The following ZNF804B variants were observed in gnomAD, a reference collection of about 807,000 sequenced individuals.
ZNF804B encodes zinc finger protein 804B, also known as zinc finger 804B.
Under a neutral mutation model 101.4 loss-of-function variants are expected in ZNF804B, and 80 were observed. The observed-to-expected ratio is 0.79, with a 90% CI of 0.66 to 0.95. The LOEUF is 0.95. Ranked by LOEUF, ZNF804B falls within the 40% of genes least tolerant of loss-of-function variation. ZNF804B has a pLI of 0.00. For synonymous variants in ZNF804B, 622 were observed against 558.8 expected (o/e 1.11, Z -1.59); for missense variants, 1,673 against 1,561.9 (o/e 1.07, Z -1.20).
chr7:88,827,385 C>A (rs939451545), intron 1 of ZNF804B, among the ~76,000 whole-genome samples: 2 of 151,138 alleles, frequency 1.3e-5, no homozygotes, highest in African/African-American at 4.9e-5. Flanking sequence ...TTTGTAGTTG[C>A]AGTTACTTGT....
chr7:89,150,660 C>T (rs1306929297), intron 1 of ZNF804B, among the ~76,000 whole-genome samples: 1 of 151,900 alleles, frequency 6.6e-6, no homozygotes, highest in Non-Finnish European at 1.5e-5. Flanking sequence ...ATTATATTTC[C>T]ATTTTGGGTC....
chr7:89,299,374 A>G (rs894747657), intron 2 of ZNF804B, among the ~76,000 whole-genome samples: 4 of 152,034 alleles, frequency 2.6e-5, no homozygotes, highest in African/African-American at 9.7e-5. Context: ...CTAGATTGCA[A>G]TTCAAAATAA....
At chr7:89,010,646 A>T (rs1223830088) in intron 1 of ZNF804B, among the ~76,000 whole-genome samples, 1 of 152,182 alleles carries the variant, frequency 6.6e-6, no homozygotes, top group Non-Finnish European at 1.5e-5. Context: ...TGTATTATTT[A>T]CTTTGTTTTC....
chr7:89,171,280 CTG>C lies in ZNF804B; in HGVS notation c.109-46874_109-46873del, dbSNP rs1238545613. On this transcript the variant is annotated intron_variant, in intron 1 of 3. Transcript: ENST00000333190. The stretch of plus-strand genomic sequence containing the variant: ...CTCAATGAAGTAGGCACAAATAATG[CTG>C]CTGCTGCTTCTTCTTCTTCTTCTTC... 4.3e-5 allele frequency among the ~76,000 whole-genome samples: 3 copies of C among 69,466 alleles called. 1 individual carries two copies. The highest frequency in any genetic ancestry group is 9.6e-5 in the Non-Finnish European group (3 of 31,332). 45.6% of individuals were successfully genotyped at this position (69,466 alleles called of 152,430 possible). A position where few individuals can be genotyped will look rare whatever the true frequency, so the allele number is the denominator to read the frequency against.
At chr7:88,926,843 A>G (rs1170063183) in intron 1 of ZNF804B, among the ~76,000 whole-genome samples, 2 of 151,788 alleles carry the variant, frequency 1.3e-5, no homozygotes, top group Non-Finnish European at 2.9e-5. Context: ...GATAACAGCA[A>G]CTAGCAATTG....
chr7:88,874,896 C>T (rs1027376519), intron 1 of ZNF804B, among the ~76,000 whole-genome samples: 1 of 145,068 alleles, frequency 6.9e-6, no homozygotes, highest in African/African-American at 2.6e-5. Context: ...CAAAATTGAC[C>T]ACATACTTGG....
intron 1 of ZNF804B, among the ~76,000 whole-genome samples, chr7:88,793,478 T>C (rs1790417005): frequency 1.3e-5 from 2 of 152,106 alleles, no homozygotes; most frequent in African/African-American, 4.8e-5. Flanking sequence ...TGCCACCTGA[T>C]AATGTATTTT....
At chr7:89,291,499 G>T (rs887171921) in intron 2 of ZNF804B, among the ~76,000 whole-genome samples, 3 of 151,996 alleles carry the variant, frequency 2.0e-5, no homozygotes, top group African/African-American at 7.3e-5. Context: ...CTGAAGAATG[G>T]ATCAGTCTTT....
At chr7:89,027,757 A>G (rs1788772588) in intron 1 of ZNF804B, among the ~76,000 whole-genome samples, 1 of 152,172 alleles carries the variant, frequency 6.6e-6, no homozygotes, top group African/African-American at 2.4e-5. Context: ...GCAAGGCCCT[A>G]AAATCTAGAG....
chr7:88,766,343 T>G (rs1447345037), intron 1 of ZNF804B, among the ~76,000 whole-genome samples: 1 of 152,130 alleles, frequency 6.6e-6, no homozygotes, highest in Non-Finnish European at 1.5e-5. Context: ...AAAAGGGGGT[T>G]TTGATTTGCT....
At chr7:88,983,103 A>G (rs1231278116) in intron 1 of ZNF804B, among the ~76,000 whole-genome samples, 1 of 152,046 alleles carries the variant, frequency 6.6e-6, no homozygotes, top group Non-Finnish European at 1.5e-5. Context: ...TAGGGATGCC[A>G]TTGGGATTGA....
At chr7:88,867,482 C>A (rs942458776) in intron 1 of ZNF804B, among the ~76,000 whole-genome samples, 2 of 152,200 alleles carry the variant, frequency 1.3e-5, no homozygotes, top group Non-Finnish European at 2.9e-5. Flanking sequence ...TTCTCTGCGT[C>A]TTTGTTCATC....
chr7:89,213,905 A>G (rs1049811850), intron 1 of ZNF804B, among the ~76,000 whole-genome samples: 4 of 152,224 alleles, frequency 2.6e-5, no homozygotes, highest in Non-Finnish European at 5.9e-5. Flanking sequence ...CTAGTTTACA[A>G]TGTAGTTCAT....
At chr7:89,081,384 T>G (rs1054313709) in intron 1 of ZNF804B, among the ~76,000 whole-genome samples, 2 of 151,984 alleles carry the variant, frequency 1.3e-5, no homozygotes, top group Admixed American at 6.6e-5. Flanking sequence ...CTCTCATAAC[T>G]TGATGTACTT....
intron 1 of ZNF804B, among the ~76,000 whole-genome samples, chr7:89,205,870 T>G (rs1788707216): frequency 6.6e-6 from 1 of 152,182 alleles, no homozygotes; most frequent in African/African-American, 2.4e-5. Context: ...AATCCCACAT[T>G]TCCCTTCTTC....
At chr7:89,252,226 C>A (rs1256146439) in intron 2 of ZNF804B, among the ~76,000 whole-genome samples, 1 of 151,966 alleles carries the variant, frequency 6.6e-6, no homozygotes, top group Non-Finnish European at 1.5e-5. Flanking sequence ...ACAAATAACC[C>A]CCTTAAAAAG....
rs145079981 is a variant in ZNF804B at position 89,002,233 on chromosome 7, A to G, written c.109-215922A>G. ...ATTGGATGAAAGATTTGTGAGTACA[A>G]TTTATAGATGGGCACTAATGTTTGC... On this transcript the variant is annotated intron_variant, in intron 1 of 3. Transcript: ENST00000333190. Among the ~76,000 whole-genome samples the G allele has an allele frequency of 2.6e-4, 40 of 151,934 alleles. 1 individual carries two copies. The East Asian group carries it at 4.8e-3, about 18-fold the overall frequency.
At chr7:88,868,886 C>G (rs1363969109) in intron 1 of ZNF804B, among the ~76,000 whole-genome samples, 1 of 152,188 alleles carries the variant, frequency 6.6e-6, no homozygotes, top group Non-Finnish European at 1.5e-5. Context: ...ACAGGAATCG[C>G]ATTTTAATGA....
intron 1 of ZNF804B, among the ~76,000 whole-genome samples, chr7:88,990,130 T>C (rs1392773361): frequency 6.6e-6 from 1 of 151,896 alleles, no homozygotes; most frequent in East Asian, 1.9e-4. Context: ...TGTATATAAT[T>C]TTATATCATA....
Sources: allele counts gnomAD v4.1 joint callset (sites outside exome capture counted in the v4.1 genomes callset), GRCh38; gene constraint gnomAD v4.1.1; transcripts MANE v1.5; gene names NCBI Gene and HGNC (gene_info 2026-07-23, HGNC 2026-07-21).